TAFA2: variants seen among roughly 807,000 people sequenced by gnomAD.
TAFA2 encodes the protein TAFA chemokine like family member 2.
TAFA2 carries 7 observed loss-of-function variants against 18.8 expected under a neutral mutation model. That is an observed-to-expected ratio of 0.37 (90% CI 0.21 to 0.70). The LOEUF (loss-of-function observed/expected upper bound fraction) is 0.70. Ranked by LOEUF, TAFA2 falls within the 30% of genes least tolerant of loss-of-function variation. The pLI, the probability that TAFA2 is intolerant of heterozygous loss-of-function variation, is 0.53. For synonymous variants in TAFA2, 60 were observed against 54.2 expected (o/e 1.11, Z -0.47); for missense variants, 122 against 158.1 (o/e 0.77, Z 1.23).
At chr12:62,241,762 G>A (rs1370803089) in intron 1 of TAFA2, among the ~76,000 whole-genome samples, 1 of 152,112 alleles carries the variant, frequency 6.6e-6, no homozygotes, top group African/African-American at 2.4e-5. Context: ...ATACTGACCT[G>A]CCACTGAATA....
At chr12:62,130,525 G>A (rs1870639535) in intron 1 of TAFA2, among the ~76,000 whole-genome samples, 1 of 151,904 alleles carries the variant, frequency 6.6e-6, no homozygotes, top group African/African-American at 2.4e-5. Flanking sequence ...TATGGGGGTA[G>A]GGAAATGAAT....
chr12:62,178,546 A>G (rs1226915693), intron 1 of TAFA2, among the ~76,000 whole-genome samples: 1 of 152,196 alleles, frequency 6.6e-6, no homozygotes, highest in African/African-American at 2.4e-5. Flanking sequence ...GGCAAAAGAC[A>G]CAAGATTCCC....
intron 1 of TAFA2, chr12:61,879,819 G>A: frequency 6.3e-6 from 9 of 1,437,808 alleles, no homozygotes; most frequent in Non-Finnish European, 8.7e-6. Context: ...GCAGAGCTTG[G>A]CAACATGCAG....
chr12:61,939,929 C>T (rs545373130), intron 1 of TAFA2, among the ~76,000 whole-genome samples: 7 of 152,332 alleles, frequency 4.6e-5, no homozygotes, highest in Non-Finnish European at 1.0e-4. Context: ...CTGCTTCCAC[C>T]TACAGAGAAA....
intron 2 of TAFA2, among the ~76,000 whole-genome samples, chr12:61,862,482 T>C (rs548549900): frequency 1.3e-5 from 2 of 152,360 alleles, no homozygotes; most frequent in East Asian, 1.9e-4. Flanking sequence ...TCTGGATTTC[T>C]ACAGTGTTCC....
chr12:62,231,183 T>A (rs1404242943), intron 1 of TAFA2, among the ~76,000 whole-genome samples: 1 of 152,200 alleles, frequency 6.6e-6, no homozygotes, highest in Non-Finnish European at 1.5e-5. Flanking sequence ...TCTCCCTTTA[T>A]ATCTATTAAT....
intron 1 of TAFA2, among the ~76,000 whole-genome samples, chr12:62,256,568 A>G (rs1463924687): frequency 6.6e-6 from 1 of 152,240 alleles, no homozygotes; most frequent in Non-Finnish European, 1.5e-5. Context: ...GAATGGTCAC[A>G]GAGAATAAAT....
At chr12:61,892,041 G>A (rs950376731) in intron 1 of TAFA2, among the ~76,000 whole-genome samples, 4 of 151,030 alleles carry the variant, frequency 2.6e-5, no homozygotes, top group Non-Finnish European at 4.4e-5. Context: ...TAGGATGCTC[G>A]GGCCACAGTC....
chr12:61,852,780 A>G (rs974074488), intron 2 of TAFA2, among the ~76,000 whole-genome samples: 3 of 152,178 alleles, frequency 2.0e-5, no homozygotes, highest in Non-Finnish European at 2.9e-5. Flanking sequence ...ATAATAGAAA[A>G]CGATGAGAAA....
At chr12:61,978,282 G>A (rs113613835) in intron 1 of TAFA2, among the ~76,000 whole-genome samples, 278 of 151,874 alleles carry the variant, frequency 1.8e-3, no homozygotes, top group African/African-American at 4.8e-3. Flanking sequence ...TTTCCAAAAG[G>A]CCTAACATCC....
chr12:62,039,573 C>T (rs2136757413), intron 1 of TAFA2, among the ~76,000 whole-genome samples: 1 of 152,236 alleles, frequency 6.6e-6, no homozygotes, highest in East Asian at 1.9e-4. Flanking sequence ...TAGAATAGGA[C>T]TTTTAAAGGT....
At chr12:62,035,555 T>G (rs348685) in intron 1 of TAFA2, among the ~76,000 whole-genome samples, 2,822 of 143,760 alleles carry the variant, frequency 0.02, 42 homozygotes, top group Non-Finnish European at 0.028. Flanking sequence ...TAAAAAAAAT[T>G]AAAAAAAAAA....
intron 1 of TAFA2, among the ~76,000 whole-genome samples, chr12:62,030,362 G>A (rs1881424920): frequency 6.6e-6 from 1 of 152,130 alleles, no homozygotes; most frequent in Admixed American, 6.5e-5. Flanking sequence ...GCCCCGAATT[G>A]AGATAATGTT....
intron 1 of TAFA2, among the ~76,000 whole-genome samples, chr12:62,189,736 A>G (rs761406627): frequency 1.3e-5 from 2 of 152,356 alleles, no homozygotes; most frequent in South Asian, 2.1e-4. Flanking sequence ...GTCTTAACTT[A>G]TATGCCTAAT....
intron 2 of TAFA2, among the ~76,000 whole-genome samples, chr12:61,792,817 T>C (rs976084763): frequency 6.6e-6 from 1 of 151,512 alleles, no homozygotes. Context: ...ATCACTATTA[T>C]ATTCAGAGAT....
upstream of TAFA2, among the ~76,000 whole-genome samples, chr12:62,197,257 G>T (rs1252620999): frequency 6.6e-6 from 1 of 152,164 alleles, no homozygotes; most frequent in East Asian, 1.9e-4. Flanking sequence ...ATAAAGTAAG[G>T]CACAACAAGC....
intron 1 of TAFA2, among the ~76,000 whole-genome samples, chr12:61,975,780 A>AT (rs1879411687): frequency 6.6e-6 from 1 of 151,800 alleles, no homozygotes; most frequent in African/African-American, 2.4e-5. Flanking sequence ...TAAAAGACTA[A>AT]TAAGTTCTGG....
At chr12:62,222,194 A>AAC (rs141466916) in intron 1 of TAFA2, among the ~76,000 whole-genome samples, 16,442 of 151,278 alleles carry the variant, frequency 0.11, 904 homozygotes, top group Middle Eastern at 0.18. Context: ...AGGTATAATA[A>AAC]ACACACACAC....
chr12:62,235,989 A>T (rs1349539649), intron 1 of TAFA2, among the ~76,000 whole-genome samples: 2 of 148,638 alleles, frequency 1.3e-5, no homozygotes, highest in Non-Finnish European at 3.0e-5. Context: ...AAAGAAAATT[A>T]AAAAAAAAAC....
Sources: allele counts gnomAD v4.1 joint callset (sites outside exome capture counted in the v4.1 genomes callset), GRCh38; gene constraint gnomAD v4.1.1; transcripts MANE v1.5; gene names NCBI Gene and HGNC (gene_info 2026-07-23, HGNC 2026-07-21).